Variants in WDR93 observed in about 807,000 individuals in gnomAD.
The protein encoded by WDR93 is WD repeat domain 93.
Under a neutral mutation model 82.9 loss-of-function variants are expected in WDR93, and 73 were observed. The observed-to-expected ratio is 0.88, with a 90% CI of 0.73 to 1.07. The LOEUF (loss-of-function observed/expected upper bound fraction) is 1.07, where lower values mean the gene tolerates loss of function less well. Among genes scored for constraint, WDR93 ranks in the 50% least tolerant of loss-of-function variants. The probability of loss-of-function intolerance (pLI) is 0.00; values close to 1 mark genes in which losing one functional copy is unlikely to be tolerated. For missense variants in WDR93, 738 were observed against 826.0 expected, an observed-to-expected ratio of 0.89 and a Z score of 1.31; for synonymous variants, 283 against 300.1, an observed-to-expected ratio of 0.94 and a Z score of 0.59.
At chr15:89,736,505 T>C (rs561892703) in intron 14 of WDR93, among the ~76,000 whole-genome samples, 1 of 152,182 alleles carries the variant, frequency 6.6e-6, no homozygotes, top group Admixed American at 6.5e-5. Context: ...GAGGTTCCCA[T>C]GGGCACTACC....
At chr15:89,722,792 A>T (rs1966577181) in intron 8 of WDR93, among the ~76,000 whole-genome samples, 1 of 152,150 alleles carries the variant, frequency 6.6e-6, no homozygotes, top group Admixed American at 6.6e-5. Context: ...GCATTCACAC[A>T]TGATCACAAA....
intron 15 of WDR93, 85 bp downstream of exon 15, chr15:89,737,814 C>G (rs11638276): frequency 0.16 from 246,749 of 1,559,440 alleles, 21,795 homozygotes; most frequent in Non-Finnish European, 0.18. Flanking sequence ...CTCCGATCTC[C>G]TCCCCACTCT....
intron 6 of WDR93, among the ~76,000 whole-genome samples, chr15:89,716,025 T>C (rs992503758): frequency 6.6e-6 from 1 of 152,242 alleles, no homozygotes; most frequent in Non-Finnish European, 1.5e-5. Context: ...TTAAAATACA[T>C]TGTATTAGGT....
chr15:89,701,800 A>T lies in WDR93; in HGVS notation c.54A>T (p.Thr18=), dbSNP rs1965477364. Residue 18 remains threonine (T), a synonymous_variant, in exon 2 of 17, where the codon ACA becomes ACT. Transcript: ENST00000268130. ...AGAAAATAAAGCACCCCATTGGTAC[A>T]CGAAAGGGACCATTGGAGGTGCCAC... ...QTQKIKHPIG[T]RKGPLEVPPP... is the part of the protein sequence containing the mutation. The T allele has an allele frequency of 6.2e-7, 1 of 1,614,038 alleles. No homozygotes were observed. Among genetic ancestry groups the T allele is most frequent in the Admixed American group, 1.7e-5 (1 of 60,004 alleles).
At chr15:89,702,135 AC>A in intron 2 of WDR93, 86 bp downstream of exon 2, 1 of 1,407,134 alleles carries the variant, frequency 7.1e-7, no homozygotes, top group East Asian at 2.4e-5. Context: ...AGGAATTCCT[AC>A]TAGAAAGCTG....
chr15:89,702,894 C>A, intron 2 of WDR93, 56 bp from the exon 3 acceptor site: 1 of 1,557,040 alleles, frequency 6.4e-7, no homozygotes, highest in South Asian at 1.2e-5. Flanking sequence ...GAAGCTAACT[C>A]ATAATATTTG....
In WDR93 at chr15:89,737,653, G is replaced by A. The variant is rs772672060; in HGVS notation, c.1689G>A (p.Pro563=). 126 of 1,614,022 alleles carry A rather than the reference G, an allele frequency of 7.8e-5. No individual in the cohort carries two copies. The highest frequency in any genetic ancestry group is 1.1e-4 in the African/African-American group (8 of 74,892). The change falls in exon 15 of 17, where the codon CCG becomes CCA. Residue 563 remains proline (P), a synonymous_variant. Transcript: ENST00000268130. ...AAATCATCTGTGCCTTTGCCCCTCC[G>A]GGAGCCTTTCCTCTGGAGGTCCCCT... ...KREIICAFAP[P]GAFPLEVPWK... is the part of the protein sequence containing the mutation.
In WDR93 at chr15:89,703,157, C is replaced by T. The variant is rs370387441; in HGVS notation, c.496+15C>T. ...GGATGAAATGGGTATTGTTCTTCAT[C>T]TTCCTTTTTAGCCTCATTTACAGGT... On this transcript the variant is annotated intron_variant, in intron 3 of 16. Transcript: ENST00000268130. The T allele has an allele frequency of 7.4e-6, 12 of 1,613,808 alleles. No individual in the cohort carries two copies. In the African/African-American group the frequency reaches 1.3e-4, roughly 18 times the overall value.
At chr15:89,719,137 GAATGT>G (rs1456867658) in intron 7 of WDR93, among the ~76,000 whole-genome samples, 2 of 151,964 alleles carry the variant, frequency 1.3e-5, no homozygotes, top group Admixed American at 6.6e-5. Flanking sequence ...ACTCAGGCTG[GAATGT>G]AATGGCATGA....
chr15:89,704,472 A>G (rs1048818760), intron 3 of WDR93: 10 of 152,374 alleles, frequency 6.6e-5, no homozygotes, highest in African/African-American at 9.6e-5. Flanking sequence ...AAGCTTAAAA[A>G]ATGAAAGGAA....
chr15:89,727,907 A>G (rs1427206267), intron 9 of WDR93, among the ~76,000 whole-genome samples: 1 of 151,966 alleles, frequency 6.6e-6, no homozygotes, highest in African/African-American at 2.4e-5. Flanking sequence ...ACACGGTGAA[A>G]CCGACTCTAC....
chr15:89,692,206 G>A (rs1433543640), intron 1 of WDR93, among the ~76,000 whole-genome samples: 10 of 152,156 alleles, frequency 6.6e-5, no homozygotes, highest in Admixed American at 6.5e-4. Context: ...AGCTGGGTCT[G>A]CCCTCAGGTG....
intron 7 of WDR93, among the ~76,000 whole-genome samples, chr15:89,721,609 C>A (rs1164086773): frequency 2.6e-5 from 4 of 152,140 alleles, no homozygotes; most frequent in Non-Finnish European, 5.9e-5. Flanking sequence ...TTGGGTCTTG[C>A]CCTTTCTAAA....
chr15:89,736,975 T>A (rs1432696320), intron 14 of WDR93, among the ~76,000 whole-genome samples: 1 of 152,058 alleles, frequency 6.6e-6, no homozygotes, highest in African/African-American at 2.4e-5. Context: ...GTATTTTTAG[T>A]AGAGACGAGG....
chr15:89,712,484 A>T (rs138487420), intron 5 of WDR93, among the ~76,000 whole-genome samples: 16 of 134,174 alleles, frequency 1.2e-4, no homozygotes, highest in Admixed American at 4.5e-4. Context: ...GTCTCCTCCT[A>T]CCTAGGATGG....
At position 89,711,525 on chromosome 15, in the gene WDR93, CAA is replaced by C. The variant is rs541710221; in HGVS notation, c.562-485_562-484del. ...AAAATTTTTAAAAATTAGCGAGTCTCAAAAAAAAAAAAAAAAAGATAGCATAA... is the reference window on the plus strand; with the variant it reads ...AAAATTTTTAAAAATTAGCGAGTCTCAAAAAAAAAAAAAAAGATAGCATAA... On this transcript the variant is annotated intron_variant, in intron 4 of 16. Coordinates refer to ENST00000268130, the MANE Select transcript of WDR93 (RefSeq NM_020212.2). Among the ~76,000 whole-genome samples the C allele has an allele frequency of 4.9e-3, 653 of 132,168 alleles. 3 individuals are homozygous for C. The highest frequency in any genetic ancestry group is 0.039 in the Middle Eastern group (10 of 258). The allele number at this position is 132,168 out of a possible 152,430, so 86.7% of individuals were successfully genotyped here. A position where few individuals can be genotyped will look rare whatever the true frequency, so the allele number is the denominator to read the frequency against.
chr15:89,737,454 C>T (rs1596128083), intron 14 of WDR93, 119 bp from the exon 15 acceptor site: 12 of 1,345,006 alleles, frequency 8.9e-6, no homozygotes, highest in Admixed American at 2.0e-5. Context: ...GAGGCTGGGG[C>T]CCAAGAGGTT....
At chr15:89,706,938 T>C (rs1010889993) in intron 4 of WDR93, among the ~76,000 whole-genome samples, 1 of 152,114 alleles carries the variant, frequency 6.6e-6, no homozygotes, top group Non-Finnish European at 1.5e-5. Context: ...AAAGAAAAGA[T>C]AAACTGGACT....
chr15:89,690,662 C>G, upstream of WDR93: 1 of 1,538,358 alleles, frequency 6.5e-7, no homozygotes, highest in Non-Finnish European at 8.8e-7. Context: ...ACGAGTCGCA[C>G]GGGGCTCAGG....
Sources: gnomAD v4.1 joint callset for allele counts (sites outside exome capture counted in the v4.1 genomes callset) on GRCh38, gnomAD v4.1.1 for gene constraint, MANE v1.5 for transcripts, NCBI Gene and HGNC (gene_info 2026-07-23, HGNC 2026-07-21) for gene names.